Variants in CCDC88A observed in about 807,000 individuals in gnomAD.
CCDC88A encodes the protein coiled-coil and HOOK domain protein 88A.
Under a neutral mutation model 234.3 loss-of-function variants are expected in CCDC88A, and 54 were observed. The observed-to-expected ratio is 0.23, with a 90% CI of 0.19 to 0.29. CCDC88A has a LOEUF of 0.29. Among genes scored for constraint, CCDC88A ranks in the 10% least tolerant of loss-of-function variants. The probability of loss-of-function intolerance (pLI) is 1.00; values close to 1 mark genes in which losing one functional copy is unlikely to be tolerated. For missense variants in CCDC88A, 1,832 were observed against 2,123.4 expected, an observed-to-expected ratio of 0.86 and a Z score of 2.70; for synonymous variants, 753 against 737.8, an observed-to-expected ratio of 1.02 and a Z score of -0.33.
At chr2:55,327,423 A>T (rs1318076291) in intron 17 of CCDC88A, among the ~76,000 whole-genome samples, 1 of 152,246 alleles carries the variant, frequency 6.6e-6, no homozygotes, top group Non-Finnish European at 1.5e-5. Context: ...TGCTATGAGT[A>T]TACGGATTCA....
Position 55,334,688 on chromosome 2 carries a change from T to C in CCDC88A, c.2133A>G (p.Glu711=), listed in dbSNP as rs747597880. ...EENLELRRNV[E]SLKCASMKMA... is the part of the protein sequence containing the mutation. ...TTTTCATGCTTGCACACTTCAAAGA[T>C]TCTACATTCCTTCGCAGTTCTAAGT... Residue 711 remains glutamate, a synonymous_variant, in exon 15 of 33, where the codon GAA becomes GAG. Transcript: ENST00000436346. This position sits in a 1 kb window ranked among gnomAD's most constrained non-coding sequence, Gnocchi z 6.1. 7 of 1,613,634 alleles carry C rather than the reference T, an allele frequency of 4.3e-6. No individual in the cohort carries two copies. The highest frequency in any genetic ancestry group is 3.3e-5 in the South Asian group (3 of 91,054).
rs1441789544 is a variant in CCDC88A, at chr2:55,317,868, CATA to C, written c.3325-30_3325-28del. On this transcript the variant is annotated intron_variant, in intron 19 of 32. Coordinates refer to ENST00000436346, the MANE Select transcript of CCDC88A (RefSeq NM_001365480.1). This position sits in a 1 kb window ranked among gnomAD's most constrained non-coding sequence, Gnocchi z 4.2. ...TATAAGAATATATATTGTTATCAGA[CATA>C]AGAAAAACAGTTCATGTTCTTTTTC... The C allele has an allele frequency of 9.6e-6, 14 of 1,454,298 alleles. No homozygotes were observed. Among genetic ancestry groups the C allele is most frequent in the Non-Finnish European group, 1.3e-5 (14 of 1,071,924 alleles). 90.1% of individuals were successfully genotyped at this position (1,454,298 alleles called of 1,614,324 possible).
At chr2:55,353,025 A>T (rs1452807713) in intron 8 of CCDC88A, among the ~76,000 whole-genome samples, 2 of 152,198 alleles carry the variant, frequency 1.3e-5, no homozygotes, top group African/African-American at 4.8e-5. Context: ...GGCAATGAAG[A>T]TATTAGATGG....
chr2:55,393,698 C>T (rs1269114073), intron 2 of CCDC88A, among the ~76,000 whole-genome samples: 1 of 152,120 alleles, frequency 6.6e-6, no homozygotes, highest in African/African-American at 2.4e-5. Flanking sequence ...AAAAATCACA[C>T]CATCAGTAAA....
chr2:55,377,912 C>A (rs74827763), intron 3 of CCDC88A, among the ~76,000 whole-genome samples: 1,573 of 152,198 alleles, frequency 0.01, 13 homozygotes, highest in Non-Finnish European at 0.016. Context: ...GGCCGGGAAG[C>A]TTTAAATTTT....
At chr2:55,358,312 T>C (rs1428809102) in intron 7 of CCDC88A, among the ~76,000 whole-genome samples, 1 of 152,170 alleles carries the variant, frequency 6.6e-6, no homozygotes, top group Non-Finnish European at 1.5e-5. Context: ...ATGATATGGA[T>C]AGCAGAGATT....
chr2:55,398,633 C>G (rs1678037219), intron 2 of CCDC88A, among the ~76,000 whole-genome samples: 3 of 152,170 alleles, frequency 2.0e-5, no homozygotes, highest in African/African-American at 7.2e-5. Flanking sequence ...AGCTCCTGGG[C>G]TGGCAACGAT....
intron 2 of CCDC88A, among the ~76,000 whole-genome samples, chr2:55,411,900 A>T (rs1680563272): frequency 6.6e-6 from 1 of 152,072 alleles, no homozygotes; most frequent in Admixed American, 6.6e-5. Flanking sequence ...TCTTGCTCCT[A>T]TCACCTTGCC....
At chr2:55,303,681 T>TG (rs1321307924) in intron 25 of CCDC88A, among the ~76,000 whole-genome samples, 2 of 152,086 alleles carry the variant, frequency 1.3e-5, no homozygotes, top group African/African-American at 4.8e-5. Context: ...ACGCCCGGCC[T>TG]GAGGAACATA....
At chr2:55,397,990 T>G (rs1323946682) in intron 2 of CCDC88A, among the ~76,000 whole-genome samples, 1 of 152,156 alleles carries the variant, frequency 6.6e-6, no homozygotes, top group Non-Finnish European at 1.5e-5. Flanking sequence ...TGATATCAGA[T>G]GTAATTTTAG....
At chr2:55,382,820 T>C (rs1674812848) in intron 3 of CCDC88A, among the ~76,000 whole-genome samples, 1 of 152,200 alleles carries the variant, frequency 6.6e-6, no homozygotes, top group Non-Finnish European at 1.5e-5. Flanking sequence ...ATTTCTCTCA[T>C]GACCTCTCAT....
Position 55,334,727 on chromosome 2 carries a change from T to C in CCDC88A, c.2094A>G (p.Gln698=), listed in dbSNP as rs774047156. The change falls in exon 15 of 33, where the codon CAA becomes CAG. Residue 698 remains glutamine (Q), a synonymous_variant. Coordinates refer to ENST00000436346, the MANE Select transcript of CCDC88A (RefSeq NM_001365480.1). This position sits in a 1 kb window ranked among gnomAD's most constrained non-coding sequence, Gnocchi z 6.1. ...QLESLEKENS[Q]LDEENLELRR... is the part of the protein sequence containing the mutation. ...GCAGTTCTAAGTTTTCCTCATCAAGTTGGGAATTCTCTTTTTCTAGGGATT... is the reference window on the plus strand; with the variant it reads ...GCAGTTCTAAGTTTTCCTCATCAAGCTGGGAATTCTCTTTTTCTAGGGATT... 3 of 1,612,880 alleles carry C rather than the reference T, an allele frequency of 1.9e-6. No individual in the cohort carries two copies. Among genetic ancestry groups the C allele is most frequent in the Non-Finnish European group, 8.5e-7 (1 of 1,179,494 alleles).
intron 3 of CCDC88A, among the ~76,000 whole-genome samples, chr2:55,386,091 C>T (rs1219422805): frequency 1.3e-5 from 2 of 151,642 alleles, no homozygotes; most frequent in Non-Finnish European, 2.9e-5. Context: ...GGCGTGGTGG[C>T]ATGTACCTGT....
chr2:55,301,527 A>C (rs1680900183), intron 27 of CCDC88A: 1 of 499,264 alleles, frequency 2.0e-6, no homozygotes, highest in Non-Finnish European at 3.5e-6. Context: ...GCAAAGCAAA[A>C]CAAGAGCCTG....
intron 23 of CCDC88A, among the ~76,000 whole-genome samples, chr2:55,312,088 C>T (rs1682419940): frequency 6.6e-6 from 1 of 152,210 alleles, no homozygotes; most frequent in Admixed American, 6.5e-5. Flanking sequence ...AATCTCCACT[C>T]AAATCTCATC....
At chr2:55,307,343 T>C (rs182298449) in intron 25 of CCDC88A, among the ~76,000 whole-genome samples, 45 of 151,430 alleles carry the variant, frequency 3.0e-4, no homozygotes, top group Admixed American at 6.6e-4. Context: ...TAAACAAATA[T>C]GTATCTCTTC....
chr2:55,322,828 T>C (rs1160516410), intron 17 of CCDC88A, 136 bp from the exon 18 acceptor site: 3 of 452,016 alleles, frequency 6.6e-6, no homozygotes, highest in Admixed American at 4.0e-5. Flanking sequence ...ATAATATGTA[T>C]GATTTATGCT....
intron 2 of CCDC88A, among the ~76,000 whole-genome samples, chr2:55,410,511 C>T (rs1680292246): frequency 6.6e-6 from 1 of 152,114 alleles, no homozygotes; most frequent in Non-Finnish European, 1.5e-5. Flanking sequence ...GGATGCTTAT[C>T]CTGGATCTTA....
intron 27 of CCDC88A, 139 bp downstream of exon 27, chr2:55,301,733 G>A: frequency 1.4e-6 from 1 of 709,430 alleles, no homozygotes; most frequent in Non-Finnish European, 2.4e-6. Context: ...TGATTTGAAA[G>A]TTCCTCCAAA....
Sources: gnomAD v4.1 joint callset for allele counts (sites outside exome capture counted in the v4.1 genomes callset) on GRCh38, gnomAD v4.1.1 for gene constraint, Gnocchi (gnomAD v3.1) non-coding constraint, MANE v1.5 for transcripts, NCBI Gene and HGNC (gene_info 2026-07-23, HGNC 2026-07-21) for gene names.